Variants in SLC44A3 observed in about 807,000 individuals in gnomAD.
The protein encoded by SLC44A3 is choline transporter-like protein 3.
Under a neutral mutation model 75.4 loss-of-function variants are expected in SLC44A3, and 74 were observed. The ratio of observed to expected loss-of-function variants is 0.98; its 90% CI spans 0.81 to 1.19. The LOEUF (loss-of-function observed/expected upper bound fraction) is 1.19, where lower values mean the gene tolerates loss of function less well. Ranked by LOEUF, SLC44A3 falls within the 50% of genes most tolerant of loss-of-function variation. The pLI, the probability that SLC44A3 is intolerant of heterozygous loss-of-function variation, is 0.00. For synonymous variants in SLC44A3, 310 were observed against 296.9 expected, an observed-to-expected ratio of 1.04 and a Z score of -0.45; for missense variants, 700 against 778.6, an observed-to-expected ratio of 0.90 and a Z score of 1.20.
intron 9 of SLC44A3, among the ~76,000 whole-genome samples, chr1:94,845,853 A>C (rs909156352): frequency 5.9e-5 from 9 of 152,196 alleles, no homozygotes; most frequent in Non-Finnish European, 1.0e-4. Flanking sequence ...GACTCTATTA[A>C]AAATATATTG....
At chr1:94,871,526 C>T (rs1015457391) in intron 12 of SLC44A3, among the ~76,000 whole-genome samples, 5 of 152,190 alleles carry the variant, frequency 3.3e-5, no homozygotes, top group Admixed American at 6.5e-5. Flanking sequence ...CTTACTGTTT[C>T]TTACCAGGTC....
At chr1:94,847,532 A>G (rs1187811690) in intron 9 of SLC44A3, among the ~76,000 whole-genome samples, 4 of 152,200 alleles carry the variant, frequency 2.6e-5, no homozygotes, top group Non-Finnish European at 5.9e-5. Flanking sequence ...TATAACCAAG[A>G]AAAGAGGGGA....
intron 9 of SLC44A3, among the ~76,000 whole-genome samples, chr1:94,847,731 G>A (rs964944479): frequency 2.0e-5 from 3 of 152,184 alleles, no homozygotes; most frequent in African/African-American, 7.2e-5. Flanking sequence ...TGTCCCCCAG[G>A]CATCACAGTC....
intron 3 of SLC44A3, among the ~76,000 whole-genome samples, chr1:94,826,911 G>A (rs1315607946): frequency 1.3e-5 from 2 of 152,166 alleles, no homozygotes; most frequent in Non-Finnish European, 2.9e-5. Context: ...TTTGGAAGCT[G>A]TAGCTGCTAG....
intron 12 of SLC44A3, among the ~76,000 whole-genome samples, chr1:94,881,863 A>AC (rs1669036836): frequency 6.8e-6 from 1 of 146,032 alleles, no homozygotes; most frequent in Non-Finnish European, 1.5e-5. Context: ...ATACAAAAAA[A>AC]AAAAAAATTA....
At chr1:94,834,613 T>C (rs1194261361) in intron 5 of SLC44A3, among the ~76,000 whole-genome samples, 1 of 151,714 alleles carries the variant, frequency 6.6e-6, no homozygotes, top group African/African-American at 2.4e-5. Context: ...GCCTCCCGAG[T>C]AGCTGGGATT....
At chr1:94,878,887 A>G (rs1456239623) in intron 12 of SLC44A3, among the ~76,000 whole-genome samples, 2 of 152,192 alleles carry the variant, frequency 1.3e-5, no homozygotes, top group African/African-American at 4.8e-5. Flanking sequence ...TCCACAAGCA[A>G]AAGAATGAAG....
intron 12 of SLC44A3, among the ~76,000 whole-genome samples, chr1:94,877,418 C>G (rs1027928523): frequency 1.3e-5 from 2 of 152,090 alleles, no homozygotes; most frequent in Admixed American, 6.6e-5. Flanking sequence ...CTAACCTTAA[C>G]TGGGGGAATG....
intron 8 of SLC44A3, among the ~76,000 whole-genome samples, chr1:94,843,886 G>A (rs1195303585): frequency 2.8e-5 from 4 of 144,710 alleles, no homozygotes; most frequent in Admixed American, 6.9e-5. Flanking sequence ...GGTGGGGGGG[G>A]TGGTCAGGGA....
intron 9 of SLC44A3, among the ~76,000 whole-genome samples, chr1:94,850,212 T>G (rs1412121891): frequency 6.6e-6 from 1 of 152,122 alleles, no homozygotes; most frequent in Non-Finnish European, 1.5e-5. Flanking sequence ...TTTCAGCAGG[T>G]CATATCAAGC....
chr1:94,841,287 G>A (rs959267398), intron 7 of SLC44A3, among the ~76,000 whole-genome samples: 1 of 152,134 alleles, frequency 6.6e-6, no homozygotes, highest in African/African-American at 2.4e-5. Flanking sequence ...ATCATGCAGT[G>A]GATGACTATA....
chr1:94,849,058 CTGCCAGCCTGTGCCCCT>C (rs1237327498), intron 9 of SLC44A3, among the ~76,000 whole-genome samples: 4 of 148,654 alleles, frequency 2.7e-5, no homozygotes, highest in African/African-American at 1.0e-4. Flanking sequence ...TGCCCCTTAA[CTGCCAGCCTGTGCCCCT>C]GACTAGGTCT....
chr1:94,894,674 T>C, intron 14 of SLC44A3, 144 bp from the exon 15 acceptor site: 1 of 640,622 alleles, frequency 1.6e-6, no homozygotes, highest in South Asian at 2.0e-5. Context: ...CTACTTTATA[T>C]GCCATTTCTC....
chr1:94,865,923 AT>A (rs1428491200), intron 11 of SLC44A3, among the ~76,000 whole-genome samples: 7 of 152,236 alleles, frequency 4.6e-5, no homozygotes, highest in Non-Finnish European at 1.0e-4. Context: ...ATTAGAAGCA[AT>A]TGATTGGATA....
At chr1:94,865,505 C>T (rs1389502978) in intron 11 of SLC44A3, among the ~76,000 whole-genome samples, 2 of 152,124 alleles carry the variant, frequency 1.3e-5, no homozygotes, top group Admixed American at 6.5e-5. Context: ...GCTCAAAGGA[C>T]AGAGAACTGT....
intron 12 of SLC44A3, among the ~76,000 whole-genome samples, chr1:94,889,971 C>T (rs1670032898): frequency 6.6e-6 from 1 of 152,128 alleles, no homozygotes; most frequent in African/African-American, 2.4e-5. Context: ...CTGCCTCAAC[C>T]TCCCGAGTAG....
Position 94,842,160 on chromosome 1 carries a change from CA to C in SLC44A3, c.885+37del, listed in dbSNP as rs750023539. ...CTCTTCTAGCAGTAGGTCAGGTAGC[CA>C]GCCAGGACTCTGAAATCCAAATCAT... On this transcript the variant is annotated intron_variant, in intron 8 of 14. Transcript: ENST00000271227. 3 of 1,547,978 alleles carry C rather than the reference CA, an allele frequency of 1.9e-6. No individual in the cohort carries two copies. In the African/African-American group the frequency reaches 4.2e-5, roughly 22 times the overall value.
chr1:94,874,915 T>G (rs1441466887), intron 12 of SLC44A3, among the ~76,000 whole-genome samples: 1 of 152,330 alleles, frequency 6.6e-6, no homozygotes, highest in African/African-American at 2.4e-5. Flanking sequence ...AATTGTGAGA[T>G]GTAAGAGTCA....
Position 94,881,845 on chromosome 1 carries a change from T to C in SLC44A3, c.1483-9285T>C, listed in dbSNP as rs541517049. Among the ~76,000 whole-genome samples the C allele has an allele frequency of 2.6e-5, 3 of 116,200 alleles. No homozygotes were observed. The South Asian group carries it at 1.0e-3, about 39-fold the overall frequency. The allele number at this position is 116,200 out of a possible 152,430, so 76.2% of individuals were successfully genotyped here. ...GGCCAACATGGTGAAACCCCGTCTC[T>C]ACTAAAAATACAAAAAAAAAAAAAA... On this transcript the variant is annotated intron_variant, in intron 12 of 14. Coordinates refer to ENST00000271227, the MANE Select transcript of SLC44A3 (RefSeq NM_001114106.3).
Sources: gnomAD v4.1 joint callset for allele counts (sites outside exome capture counted in the v4.1 genomes callset) on GRCh38, gnomAD v4.1.1 for gene constraint, MANE v1.5 for transcripts, NCBI Gene and HGNC (gene_info 2026-07-23, HGNC 2026-07-21) for gene names.